The following QSER1 variants were observed in gnomAD, a reference collection of about 807,000 sequenced individuals.
QSER1 encodes the protein glutamine and serine rich 1.
A neutral mutation model predicts 158.5 loss-of-function variants in QSER1; 49 were observed. That is an observed-to-expected ratio of 0.31 (90% CI 0.25 to 0.39). The LOEUF is 0.39. Ranked by LOEUF, QSER1 falls within the 10% of genes least tolerant of loss-of-function variation. QSER1 has a pLI of 1.00. For missense variants in QSER1, 1,754 were observed against 2,010.3 expected (o/e 0.87, Z 2.44); for synonymous variants, 650 against 715.5 (o/e 0.91, Z 1.46).
Position 32,942,083 on chromosome 11 carries a change from G to GT in QSER1, c.4177+6655dup, listed in dbSNP as rs1456947992. 1.3e-4 allele frequency among the ~76,000 whole-genome samples: 18 copies of GT among 139,562 alleles called. No individual in the cohort carries two copies. The South Asian group carries it at 3.3e-3, about 26-fold the overall frequency. 91.6% of individuals were successfully genotyped at this position (139,562 alleles called of 152,430 possible). ...CGCCCACTTTTTGATGGGGTTGTTT[G>GT]TTTTTTTCTTGTAAATTTGTTTGAG... On this transcript the variant is annotated intron_variant, in intron 4 of 12. Coordinates refer to ENST00000650167, the MANE Select transcript of QSER1 (RefSeq NM_001076786.3).
intron 12 of QSER1, chr11:32,975,747 G>A (rs1360479635): frequency 1.4e-6 from 1 of 692,454 alleles, no homozygotes; most frequent in African/African-American, 1.9e-5. Context: ...TTGCAGAGAA[G>A]TGGGGTTTTG....
At chr11:32,946,533 C>T (rs1006317773) in intron 4 of QSER1, among the ~76,000 whole-genome samples, 2 of 152,220 alleles carry the variant, frequency 1.3e-5, no homozygotes, top group South Asian at 4.1e-4. Flanking sequence ...GAGGGTGCCT[C>T]CCAGTTAGGC....
At chr11:32,972,406 C>CTTAT (rs34645067) in intron 10 of QSER1, among the ~76,000 whole-genome samples, 16,724 of 140,868 alleles carry the variant, frequency 0.12, 1,130 homozygotes, top group Admixed American at 0.21. Context: ...AGGCCAGTGG[C>CTTAT]TTATTTATTT....
At chr11:32,973,976 T>C (rs572141164) in intron 11 of QSER1, among the ~76,000 whole-genome samples, 1 of 152,264 alleles carries the variant, frequency 6.6e-6, no homozygotes, top group East Asian at 1.9e-4. Flanking sequence ...CATAGATAAG[T>C]AAGTGTGCAG....
At chr11:32,909,912 G>C (rs974386732) in intron 1 of QSER1, among the ~76,000 whole-genome samples, 1 of 152,142 alleles carries the variant, frequency 6.6e-6, no homozygotes, top group Non-Finnish European at 1.5e-5. Flanking sequence ...AAGTTGTGTA[G>C]CAGGTAGCTA....
chr11:32,934,750 A>C lies in QSER1; in HGVS notation c.3492A>C (p.Ser1164=). 1 of 1,613,994 alleles carries C rather than the reference A, an allele frequency of 6.2e-7. No homozygotes were observed. The highest frequency in any genetic ancestry group is 8.5e-7 in the Non-Finnish European group (1 of 1,179,964). Residue 1164 remains serine (S), a synonymous_variant, in exon 4 of 13, where the codon TCA becomes TCC. Coordinates refer to ENST00000650167, the MANE Select transcript of QSER1 (RefSeq NM_001076786.3). ...TAGGGGGTGACGACAGTGGTGTGTC[A>C]ATGAACCCAGCTAGGAGTGCACTTG... ...FTLGGDDSGV[S]MNPARSALAL...
chr11:32,957,717 T>G, intron 7 of QSER1, 152 bp from the exon 8 acceptor site: 3 of 631,796 alleles, frequency 4.7e-6, no homozygotes, highest in East Asian at 2.8e-5. Flanking sequence ...GGAATCACCA[T>G]TGAGATGTAT....
At chr11:32,956,198 T>C in intron 7 of QSER1, 77 bp downstream of exon 7, 1 of 1,276,318 alleles carries the variant, frequency 7.8e-7, no homozygotes, top group Non-Finnish European at 1.1e-6. Context: ...CAAAGGAGCA[T>C]ATCAATTAAA....
intron 10 of QSER1, among the ~76,000 whole-genome samples, chr11:32,972,111 G>C (rs1852873481): frequency 6.6e-6 from 1 of 150,432 alleles, no homozygotes; most frequent in African/African-American, 2.4e-5. Context: ...CCCAATACCA[G>C]GTGCTTGGAA....
chr11:32,934,358 T>G lies in QSER1; in HGVS notation c.3100T>G (p.Ser1034Ala). 6.2e-7 allele frequency: 1 copy of G among 1,613,918 alleles called. No individual in the cohort carries two copies. Among genetic ancestry groups the G allele is most frequent in the Non-Finnish European group, 8.5e-7 (1 of 1,179,956 alleles). Residue 1034 changes from serine (S) to alanine (A), a missense_variant, in exon 4 of 13, where the codon TCT becomes GCT. By Grantham distance (99) the Ser-to-Ala change is moderately conservative (BLOSUM62 1). This residue lies in a region of QSER1 where 1,707 missense variants were observed against 1,919.6 expected (regional missense o/e 0.89). Coordinates refer to ENST00000650167, the MANE Select transcript of QSER1 (RefSeq NM_001076786.3). ...DVRHVTSDFN[S>A]MTATVGKPQN... ...CAGGCATGTGACTTCAGATTTTAAC[T>G]CTATGACAGCTACAGTAGGAAAGCC...
intron 1 of QSER1, among the ~76,000 whole-genome samples, chr11:32,915,261 G>A (rs1851817557): frequency 6.6e-6 from 1 of 152,092 alleles, no homozygotes; most frequent in Non-Finnish European, 1.5e-5. Context: ...GACAGTGACG[G>A]AAAGAAGATG....
Position 32,893,040 on chromosome 11 carries a change from C to T in QSER1, c.-86C>T, listed in dbSNP as rs1851502397. On this transcript the variant is annotated 5_prime_UTR_variant, in exon 1 of 13. Coordinates refer to ENST00000650167, the MANE Select transcript of QSER1 (RefSeq NM_001076786.3). This position sits in a 1 kb window ranked among gnomAD's most constrained non-coding sequence, Gnocchi z 4.7. Reference sequence around the variant, plus strand: ...CACCGCCGCCGCCCCCTCTTCCTCCCCCGCCCCCTCTCCCTGCCCGCCCCC... The same window carrying T: ...CACCGCCGCCGCCCCCTCTTCCTCCTCCGCCCCCTCTCCCTGCCCGCCCCC... 7.2e-6 allele frequency: 1 copy of T among 138,322 alleles called. No homozygotes were observed. The allele number at this position is 138,322 out of a possible 1,614,324, so 8.6% of individuals were successfully genotyped here.
In QSER1 at chr11:32,978,008, G is replaced by A. The variant is rs951538693; in HGVS notation, c.*1534G>A. On this transcript the variant is annotated 3_prime_UTR_variant, in exon 13 of 13. Coordinates refer to ENST00000650167, the MANE Select transcript of QSER1 (RefSeq NM_001076786.3). ...ACTGGCAAAGAATTGAAGGTAATGT[G>A]ATTTGATTTGAGAATAAAACATTGT... The A allele has an allele frequency of 2.6e-5, 4 of 152,698 alleles. No individual in the cohort carries two copies. The East Asian group carries it at 7.7e-4, about 29-fold the overall frequency. The allele number at this position is 152,698 out of a possible 1,614,324, so 9.5% of individuals were successfully genotyped here.
chr11:32,970,311 C>T (rs1852828018), intron 10 of QSER1, among the ~76,000 whole-genome samples: 1 of 152,188 alleles, frequency 6.6e-6, no homozygotes. Flanking sequence ...GTATTCTTCA[C>T]TGCCATGTAT....
intron 4 of QSER1, among the ~76,000 whole-genome samples, chr11:32,944,140 G>A (rs1310484124): frequency 1.3e-5 from 2 of 151,938 alleles, no homozygotes. Flanking sequence ...TTCTTAATTA[G>A]TCTTGGTAGC....
chr11:32,897,869 T>G (rs1218291092), intron 1 of QSER1, among the ~76,000 whole-genome samples: 1 of 152,220 alleles, frequency 6.6e-6, no homozygotes, highest in Non-Finnish European at 1.5e-5. Flanking sequence ...CTCTGTCCAC[T>G]TAGTTGCCCA....
At chr11:32,964,739 T>TAA (rs1260016683) in intron 8 of QSER1, among the ~76,000 whole-genome samples, 1 of 100,758 alleles carries the variant, frequency 9.9e-6, no homozygotes, top group Non-Finnish European at 1.9e-5. Flanking sequence ...TATATATATA[T>TAA]ACACACACAC....
intron 4 of QSER1, among the ~76,000 whole-genome samples, chr11:32,953,273 G>A (rs1473086332): frequency 6.7e-6 from 1 of 150,104 alleles, no homozygotes; most frequent in Non-Finnish European, 1.5e-5. Flanking sequence ...ACATGTATTT[G>A]GTTTTTCATC....
chr11:32,956,452 C>T (rs1284895263), intron 7 of QSER1, among the ~76,000 whole-genome samples: 1 of 151,968 alleles, frequency 6.6e-6, no homozygotes, highest in Non-Finnish European at 1.5e-5. Flanking sequence ...CTCCCTTTTT[C>T]ATCTATAAAA....
Sources: allele counts gnomAD v4.1 joint callset (sites outside exome capture counted in the v4.1 genomes callset), GRCh38; gene constraint gnomAD v4.1.1; regional missense constraint gnomAD v4.1.1; non-coding constraint Gnocchi (gnomAD v3.1); transcripts MANE v1.5; gene names NCBI Gene and HGNC (gene_info 2026-07-23, HGNC 2026-07-21).